Variants in BCL11B observed in about 807,000 individuals in gnomAD.
BCL11B encodes B-cell lymphoma/leukemia 11B.
BCL11B carries 8 observed loss-of-function variants against 49.9 expected under a neutral mutation model. The ratio of observed to expected loss-of-function variants is 0.16; its 90% CI spans 0.09 to 0.29. The LOEUF (loss-of-function observed/expected upper bound fraction) is 0.29. Ranked by LOEUF, BCL11B falls within the 10% of genes least tolerant of loss-of-function variation. BCL11B has a pLI of 1.00. For synonymous variants in BCL11B, 739 were observed against 637.4 expected (o/e 1.16, Z -2.40); for missense variants, 1,006 against 1,351.0 (o/e 0.74, Z 4.00).
At chr14:99,207,298 C>T (rs1427696267) in intron 3 of BCL11B, among the ~76,000 whole-genome samples, 1 of 152,142 alleles carries the variant, frequency 6.6e-6, no homozygotes, top group Admixed American at 6.5e-5. Flanking sequence ...AATAGCTGCT[C>T]CAGCTCAGGG....
At chr14:99,245,533 G>C (rs201511236) in intron 2 of BCL11B, among the ~76,000 whole-genome samples, 2 of 152,314 alleles carry the variant, frequency 1.3e-5, no homozygotes, top group East Asian at 3.9e-4. Flanking sequence ...GCCTCACCTG[G>C]ATCCCGGGAA....
At chr14:99,193,670 A>G (rs1319423180) in intron 3 of BCL11B, among the ~76,000 whole-genome samples, 1 of 152,202 alleles carries the variant, frequency 6.6e-6, no homozygotes, top group African/African-American at 2.4e-5. Flanking sequence ...ATAAGAATAC[A>G]TGCAACTAAA....
chr14:99,214,562 A>G (rs1887776195), intron 3 of BCL11B, among the ~76,000 whole-genome samples: 2 of 145,452 alleles, frequency 1.4e-5, no homozygotes, highest in African/African-American at 5.0e-5. Flanking sequence ...TATCTCAAAG[A>G]AAAAAAAAAA....
intron 1 of BCL11B, among the ~76,000 whole-genome samples, chr14:99,266,742 T>A (rs952766482): frequency 6.6e-6 from 1 of 152,240 alleles, no homozygotes; most frequent in Admixed American, 6.5e-5. Context: ...TCCCCCTAGC[T>A]GCCAAGTGGC....
chr14:99,191,454 G>A (rs1887027128), intron 3 of BCL11B, among the ~76,000 whole-genome samples: 1 of 152,092 alleles, frequency 6.6e-6, no homozygotes, highest in South Asian at 2.1e-4. Context: ...GAAGAGAGTG[G>A]GAAAGGGAGA....
Position 99,257,673 on chromosome 14 carries a change from C to G in BCL11B, c.225G>C (p.Glu75Asp). ...TGCCGCCACACTGCTTCCTTTTGTG[C>G]TCTATAAAAACCAGGATGTCCCCCA... ...FPLGDILVFI[E>D]HKRKQCGGSL... The change falls in exon 2 of 4, where the codon GAG (glutamate) becomes GAC (aspartate). Residue 75 changes from glutamate (E) to aspartate (D), a missense_variant. Glu to Asp is a conservative substitution (Grantham distance 45). Coordinates refer to ENST00000357195, the MANE Select transcript of BCL11B (RefSeq NM_138576.4). This position sits in a 1 kb window ranked among gnomAD's most constrained non-coding sequence, Gnocchi z 6.2. 6.2e-7 allele frequency: 1 copy of G among 1,612,626 alleles called. No homozygotes were observed. Among genetic ancestry groups the G allele is most frequent in the Non-Finnish European group, 8.5e-7 (1 of 1,179,028 alleles).
chr14:99,253,431 C>T (rs1173040255), intron 2 of BCL11B, among the ~76,000 whole-genome samples: 3 of 152,236 alleles, frequency 2.0e-5, no homozygotes, highest in Non-Finnish European at 4.4e-5. Context: ...GCTGCTCTAA[C>T]GCCTGAAAAT....
intron 3 of BCL11B, among the ~76,000 whole-genome samples, chr14:99,211,112 C>T (rs1887676450): frequency 6.6e-6 from 1 of 152,148 alleles, no homozygotes; most frequent in Admixed American, 6.5e-5. Context: ...CCAGGTAATA[C>T]CATGATCTCC....
chr14:99,192,602 G>T lies in BCL11B; in HGVS notation c.641-16407C>A, dbSNP rs1317863879. 1.3e-5 allele frequency among the ~76,000 whole-genome samples: 2 copies of T among 152,176 alleles called. No homozygotes were observed. The highest frequency in any genetic ancestry group is 2.9e-5 in the Non-Finnish European group (2 of 68,048). On this transcript the variant is annotated intron_variant, in intron 3 of 3. Transcript: ENST00000357195. This position sits in a 1 kb window ranked among gnomAD's most constrained non-coding sequence, Gnocchi z 4.0. ...TGCCAGGTACCAGGTGTACCAGACC[G>T]GCTGAAGTTTGGATGGGAAGGGACA...
chr14:99,225,657 A>G (rs924028611), intron 3 of BCL11B, among the ~76,000 whole-genome samples: 28 of 152,254 alleles, frequency 1.8e-4, no homozygotes, highest in African/African-American at 5.1e-4. Context: ...AAAAGGGAAA[A>G]AAAGAAAGAA....
chr14:99,200,960 C>G (rs1887362972), intron 3 of BCL11B, among the ~76,000 whole-genome samples: 1 of 152,206 alleles, frequency 6.6e-6, no homozygotes, highest in African/African-American at 2.4e-5. Flanking sequence ...CCTTTATGCT[C>G]TCAGACCAGA....
intron 2 of BCL11B, among the ~76,000 whole-genome samples, chr14:99,234,880 A>AAAAAAAAAAAG (rs143975117): frequency 2.5e-5 from 3 of 119,936 alleles, no homozygotes; most frequent in South Asian, 2.9e-4. Context: ...AAAAAAAAAA[A>AAAAAAAAAAAG]GTCTAAAAAT....
At chr14:99,269,526 C>CCA (rs1555385240) in intron 1 of BCL11B, among the ~76,000 whole-genome samples, 60 of 148,104 alleles carry the variant, frequency 4.1e-4, no homozygotes, top group African/African-American at 8.3e-4. Context: ...CCCCCCCCCC[C>CCA]AAAAAAAATC....
At chr14:99,223,935 G>C (rs1211862687) in intron 3 of BCL11B, among the ~76,000 whole-genome samples, 1 of 152,190 alleles carries the variant, frequency 6.6e-6, no homozygotes, top group Non-Finnish European at 1.5e-5. Context: ...TTTTCAAACA[G>C]AGAAAGGCGC....
At chr14:99,206,572 A>G (rs72702642) in intron 3 of BCL11B, among the ~76,000 whole-genome samples, 4,353 of 152,290 alleles carry the variant, frequency 0.029, 108 homozygotes, top group Non-Finnish European at 0.039. Flanking sequence ...CTTAGTCACT[A>G]GTAGCCTCCT....
chr14:99,217,385 G>GACACACACACACAC lies in BCL11B; in HGVS notation c.640+13946_640+13959dup, dbSNP rs112404818. Among the ~76,000 whole-genome samples the GACACACACACACAC allele has an allele frequency of 3.1e-5, 4 of 131,128 alleles. No homozygotes were observed. The East Asian group carries it at 6.4e-4, about 21-fold the overall frequency. The allele number at this position is 131,128 out of a possible 152,430, so 86.0% of individuals were successfully genotyped here. The stretch of plus-strand genomic sequence containing the variant: ...GAGTACAAATATACACACACATACA[G>GACACACACACACAC]ACACACACACACACACACACACACA... On this transcript the variant is annotated intron_variant, in intron 3 of 3. Transcript: ENST00000357195.
chr14:99,270,748 GCTCCCC>G (rs1179398381), intron 1 of BCL11B, among the ~76,000 whole-genome samples: 1 of 148,716 alleles, frequency 6.7e-6, no homozygotes, highest in Non-Finnish European at 1.5e-5. Context: ...CCACTTCCCG[GCTCCCC>G]CTCCCCCTCC....
intron 3 of BCL11B, among the ~76,000 whole-genome samples, chr14:99,179,473 TAAA>T (rs35703913): frequency 0.023 from 1,238 of 54,532 alleles, 24 homozygotes; most frequent in African/African-American, 0.08. Context: ...GAATCCATCT[TAAA>T]AAAAAAAAAA....
intron 3 of BCL11B, among the ~76,000 whole-genome samples, chr14:99,227,250 G>C (rs17098440): frequency 6.6e-6 from 1 of 152,080 alleles, no homozygotes; most frequent in Non-Finnish European, 1.5e-5. Context: ...ATCCCATTCC[G>C]CTCGTGCATG....
Sources: allele counts gnomAD v4.1 joint callset (sites outside exome capture counted in the v4.1 genomes callset), GRCh38; gene constraint gnomAD v4.1.1; non-coding constraint Gnocchi (gnomAD v3.1); transcripts MANE v1.5; gene names NCBI Gene and HGNC (gene_info 2026-07-23, HGNC 2026-07-21).